Variants in MLLT3 observed in about 807,000 individuals in gnomAD.
MLLT3 encodes protein AF-9.
In MLLT3, 4 loss-of-function variants were observed where a neutral mutation model predicts 53.2. That is an observed-to-expected ratio of 0.08 (90% CI 0.04 to 0.17). The LOEUF is 0.17. Ranked by LOEUF, MLLT3 falls within the 10% of genes least tolerant of loss-of-function variation. The probability of loss-of-function intolerance (pLI) is 1.00; values close to 1 mark genes in which losing one functional copy is unlikely to be tolerated. For synonymous variants in MLLT3, 283 were observed against 230.6 expected, an observed-to-expected ratio of 1.23 and a Z score of -2.06; for missense variants, 569 against 684.0, an observed-to-expected ratio of 0.83 and a Z score of 1.87.
intron 2 of MLLT3, among the ~76,000 whole-genome samples, chr9:20,539,344 G>C (rs938054758): frequency 6.6e-6 from 1 of 152,192 alleles, no homozygotes; most frequent in Non-Finnish European, 1.5e-5. Context: ...TTTACCAAGA[G>C]TAGTACATTA....
intron 5 of MLLT3, among the ~76,000 whole-genome samples, chr9:20,386,959 T>C (rs1375261599): frequency 2.0e-5 from 3 of 152,234 alleles, no homozygotes. Flanking sequence ...CCTGGTAAAA[T>C]TCTACTATTC....
intron 4 of MLLT3, among the ~76,000 whole-genome samples, chr9:20,438,825 A>G (rs1823472244): frequency 6.6e-6 from 1 of 152,150 alleles, no homozygotes; most frequent in African/African-American, 2.4e-5. Context: ...GTTCATGTAA[A>G]GGCTGATATT....
chr9:20,514,464 T>A lies in MLLT3; in HGVS notation c.194-57678A>T, dbSNP rs563029299. Among the ~76,000 whole-genome samples the A allele has an allele frequency of 2.0e-5, 3 of 152,244 alleles. No individual in the cohort carries two copies. In the East Asian group the frequency reaches 5.8e-4, roughly 29 times the overall value. On this transcript the variant is annotated intron_variant, in intron 2 of 10. Coordinates refer to ENST00000380338, the MANE Select transcript of MLLT3 (RefSeq NM_004529.4). The stretch of plus-strand genomic sequence containing the variant: ...CAAACCAGTAGCAATGAGACTAATA[T>A]TCAACAAAATGATATGTAGCTGTAC...
At position 20,554,125 on chromosome 9, in the gene MLLT3, A is replaced by C. The variant is rs75850938; in HGVS notation, c.193+66529T>G. Among the ~76,000 whole-genome samples, 1,468 of 152,282 alleles carry C rather than the reference A, an allele frequency of 9.6e-3. 53 individuals are homozygous for C. In the East Asian group the frequency reaches 0.12, roughly 12 times the overall value. ...ATCAATTTCATATTTAGGATTTTTA[A>C]CTGGATCACACTTTCTGCCTAACAT... On this transcript the variant is annotated intron_variant, in intron 2 of 10. Transcript: ENST00000380338.
Position 20,579,973 on chromosome 9 carries a change from G to A in MLLT3, c.193+40681C>T, listed in dbSNP as rs548113526. Among the ~76,000 whole-genome samples the A allele has an allele frequency of 9.2e-5, 14 of 152,286 alleles. No individual in the cohort carries two copies. The South Asian group carries it at 2.7e-3, about 29-fold the overall frequency. On this transcript the variant is annotated intron_variant, in intron 2 of 10. Transcript: ENST00000380338. The stretch of plus-strand genomic sequence containing the variant: ...AGACTAATTAAATCTCACCAGACTC[G>A]TGTGAGGTAAATAGGGAGCAGTGAG...
chr9:20,379,824 G>A (rs1821862904), intron 5 of MLLT3, among the ~76,000 whole-genome samples: 1 of 151,906 alleles, frequency 6.6e-6, no homozygotes, highest in African/African-American at 2.4e-5. Flanking sequence ...CCCACTTTTG[G>A]AAACAAAGCT....
intron 5 of MLLT3, 76 bp downstream of exon 5, chr9:20,413,645 C>T: frequency 7.9e-7 from 1 of 1,269,684 alleles, no homozygotes; most frequent in Non-Finnish European, 1.1e-6. Context: ...TTTCTTCCCT[C>T]ATTCTTTATT....
Position 20,616,405 on chromosome 9 carries a change from A to C in MLLT3, c.193+4249T>G, listed in dbSNP as rs559976206. Among the ~76,000 whole-genome samples the C allele has an allele frequency of 2.6e-5, 4 of 152,270 alleles. No individual in the cohort carries two copies. In the East Asian group the frequency reaches 7.7e-4, roughly 29 times the overall value. Reference sequence around the variant, plus strand: ...TGCTAATCCCTATTTTTAAAACAATATTCTATATTGGTTTTTTATTCTTTT... The same window carrying C: ...TGCTAATCCCTATTTTTAAAACAATCTTCTATATTGGTTTTTTATTCTTTT... On this transcript the variant is annotated intron_variant, in intron 2 of 10. Transcript: ENST00000380338.
intron 2 of MLLT3, among the ~76,000 whole-genome samples, chr9:20,486,277 T>C (rs1824809730): frequency 6.6e-6 from 1 of 152,080 alleles, no homozygotes; most frequent in African/African-American, 2.4e-5. Context: ...ATAACTATTT[T>C]CAAAATACAA....
At chr9:20,518,858 G>A (rs1039409376) in intron 2 of MLLT3, among the ~76,000 whole-genome samples, 3 of 152,216 alleles carry the variant, frequency 2.0e-5, no homozygotes, top group Non-Finnish European at 4.4e-5. Context: ...GACAAAGACA[G>A]ACTGAGCAAC....
intron 2 of MLLT3, among the ~76,000 whole-genome samples, chr9:20,534,325 G>C (rs1818422565): frequency 6.6e-6 from 1 of 152,176 alleles, no homozygotes; most frequent in East Asian, 1.9e-4. Flanking sequence ...CATCTTTAGA[G>C]CTTTCAACAT....
rs1037025246 is a variant in MLLT3 at position 20,620,005 on chromosome 9, T to C, written c.193+649A>G. On this transcript the variant is annotated intron_variant, in intron 2 of 10. Transcript: ENST00000380338. The surrounding 1 kb of genome is among the most constrained non-coding windows in gnomAD (Gnocchi z 6.1). ...GCTCAGAATCAAAGGAGCAGTCAAGTGGCACGCGGGGGTGGGAGGGAGGAA... is the reference window on the plus strand; with the variant it reads ...GCTCAGAATCAAAGGAGCAGTCAAGCGGCACGCGGGGGTGGGAGGGAGGAA... 6.6e-6 allele frequency among the ~76,000 whole-genome samples: 1 copy of C among 152,148 alleles called. No individual in the cohort carries two copies. Among genetic ancestry groups the C allele is most frequent in the East Asian group, 1.9e-4 (1 of 5,176 alleles).
chr9:20,620,134 T>A lies in MLLT3; in HGVS notation c.193+520A>T, dbSNP rs970824296. 6.6e-6 allele frequency among the ~76,000 whole-genome samples: 1 copy of A among 151,952 alleles called. No individual in the cohort carries two copies. The highest frequency in any genetic ancestry group is 1.5e-5 in the Non-Finnish European group (1 of 67,986). ...ATGGCAACTGGCACCTGGTGCCTCA[T>A]ACACAGACAGGAAAGCACAGAAGAC... On this transcript the variant is annotated intron_variant, in intron 2 of 10. Transcript: ENST00000380338. The surrounding 1 kb of genome is among the most constrained non-coding windows in gnomAD (Gnocchi z 6.1).
intron 2 of MLLT3, among the ~76,000 whole-genome samples, chr9:20,525,017 AG>A (rs1818164007): frequency 6.6e-6 from 1 of 151,050 alleles, no homozygotes; most frequent in Non-Finnish European, 1.5e-5. Flanking sequence ...CAGTGAGGGT[AG>A]AGGATAAAGG....
intron 2 of MLLT3, among the ~76,000 whole-genome samples, chr9:20,550,800 C>T (rs1818907283): frequency 6.6e-6 from 1 of 152,092 alleles, no homozygotes; most frequent in African/African-American, 2.4e-5. Context: ...CTCTGTTGTC[C>T]AGGCTGGACT....
chr9:20,412,461 T>C (rs1163588313), intron 5 of MLLT3, among the ~76,000 whole-genome samples: 3 of 151,736 alleles, frequency 2.0e-5, no homozygotes, highest in Middle Eastern at 6.8e-3. Context: ...AGATTAGCTA[T>C]AGAGAGTAGG....
chr9:20,341,840 G>A lies in MLLT3; in HGVS notation c.*4603C>T. The A allele has an allele frequency of 4.9e-6, 1 of 205,496 alleles. No individual in the cohort carries two copies. The highest frequency in any genetic ancestry group is 7.4e-5 in the East Asian group (1 of 13,460). The allele number at this position is 205,496 out of a possible 1,614,324, so 12.7% of individuals were successfully genotyped here. ...AACAAAACCCTCCAAAGAAATAGGGGGGAAAGAAAAAATACCGGGCACACA... is the reference window on the plus strand; with the variant it reads ...AACAAAACCCTCCAAAGAAATAGGGAGGAAAGAAAAAATACCGGGCACACA... On this transcript the variant is annotated 3_prime_UTR_variant, in exon 11 of 11. Transcript: ENST00000380338.
Position 20,343,920 on chromosome 9 carries a change from T to C in MLLT3, c.*2523A>G, listed in dbSNP as rs993120875. On this transcript the variant is annotated 3_prime_UTR_variant, in exon 11 of 11. Coordinates refer to ENST00000380338, the MANE Select transcript of MLLT3 (RefSeq NM_004529.4). ...TACTTGAAATTAATTCAAAGGGATC[T>C]TTTTATTTCTGTATTTAAAAATTAG... is the stretch of plus-strand genomic sequence containing the variant. 2.3e-4 allele frequency: 47 copies of C among 203,034 alleles called. No homozygotes were observed. Among genetic ancestry groups the C allele is most frequent in the Non-Finnish European group, 6.1e-5 (6 of 99,170 alleles). 12.6% of individuals were successfully genotyped at this position (203,034 alleles called of 1,614,324 possible).
intron 2 of MLLT3, among the ~76,000 whole-genome samples, chr9:20,557,394 T>A (rs941613092): frequency 3.3e-5 from 5 of 152,224 alleles, no homozygotes; most frequent in African/African-American, 7.2e-5. Context: ...ATGGGAATTA[T>A]AATCAACATT....
Sources: allele counts gnomAD v4.1 joint callset (sites outside exome capture counted in the v4.1 genomes callset), GRCh38; gene constraint gnomAD v4.1.1; non-coding constraint Gnocchi (gnomAD v3.1); transcripts MANE v1.5; gene names NCBI Gene and HGNC (gene_info 2026-07-23, HGNC 2026-07-21).